The following SLC38A1 variants were observed in gnomAD, a reference collection of about 807,000 sequenced individuals.
SLC38A1 encodes solute carrier family 38 member 1, also known as sodium-coupled neutral amino acid symporter 1.
Under a neutral mutation model 60.3 loss-of-function variants are expected in SLC38A1, and 18 were observed. The ratio of observed to expected loss-of-function variants is 0.30; its 90% CI spans 0.21 to 0.44. The LOEUF (loss-of-function observed/expected upper bound fraction) is 0.44, where lower values mean the gene tolerates loss of function less well. Ranked by LOEUF, SLC38A1 falls within the 20% of genes least tolerant of loss-of-function variation. SLC38A1 has a pLI of 1.00. For missense variants in SLC38A1, 448 were observed against 587.2 expected (o/e 0.76, Z 2.45); for synonymous variants, 196 against 212.1 (o/e 0.92, Z 0.66).
intron 5 of SLC38A1, among the ~76,000 whole-genome samples, chr12:46,211,531 G>A (rs1040907470): frequency 5.3e-5 from 8 of 152,212 alleles, no homozygotes; most frequent in Admixed American, 1.3e-4. Context: ...CTGCAACCAC[G>A]CGGTTCTTGC....
intron 16 of SLC38A1, chr12:46,195,993 G>A: frequency 1.5e-6 from 1 of 680,252 alleles, no homozygotes; most frequent in Non-Finnish European, 2.4e-6. Flanking sequence ...GATGAACCAG[G>A]TACCTCAGTT....
chr12:46,256,613 G>GCACACACACACACACACACACA (rs566800141), intron 1 of SLC38A1, among the ~76,000 whole-genome samples: 2 of 107,454 alleles, frequency 1.9e-5, no homozygotes, highest in Admixed American at 1.0e-4. Context: ...GCGCGCGCGC[G>GCACACACACACACACACACACA]CACACACACA....
At chr12:46,227,229 T>C (rs932167034) in intron 5 of SLC38A1, among the ~76,000 whole-genome samples, 6 of 152,160 alleles carry the variant, frequency 3.9e-5, no homozygotes, top group Non-Finnish European at 7.4e-5. Context: ...AAGGTAAAAG[T>C]AGAATAAAAA....
chr12:46,252,691 A>C (rs1426521705), intron 1 of SLC38A1, among the ~76,000 whole-genome samples: 3 of 151,642 alleles, frequency 2.0e-5, no homozygotes, highest in Admixed American at 2.0e-4. Flanking sequence ...GATCACTCAT[A>C]TATATATATA....
intron 1 of SLC38A1, among the ~76,000 whole-genome samples, chr12:46,260,820 GC>G (rs1942173071): frequency 6.6e-6 from 1 of 152,028 alleles, no homozygotes; most frequent in Admixed American, 6.6e-5. Context: ...CAGTTTCACA[GC>G]CTGAACTTTG....
intron 16 of SLC38A1, among the ~76,000 whole-genome samples, chr12:46,194,046 T>C (rs1319773661): frequency 1.3e-5 from 2 of 152,238 alleles, no homozygotes; most frequent in Admixed American, 1.3e-4. Flanking sequence ...CTTTACCATT[T>C]GGCATGTTTT....
chr12:46,249,807 A>C (rs1941770155), intron 1 of SLC38A1, among the ~76,000 whole-genome samples: 1 of 152,246 alleles, frequency 6.6e-6, no homozygotes, highest in South Asian at 2.1e-4. Context: ...GAATCTCTGA[A>C]TAGACCAATA....
In SLC38A1 at chr12:46,253,688, T is replaced by C. The variant is rs567417835; in HGVS notation, c.-208-10374A>G. 2.0e-5 allele frequency among the ~76,000 whole-genome samples: 3 copies of C among 152,350 alleles called. No individual in the cohort carries two copies. In the South Asian group the frequency reaches 6.2e-4, roughly 32 times the overall value. ...TTAACCATCTGGAAATGCAGCTCAG[T>C]GGCTCTCAGCCTCATTTTACTCAGC... On this transcript the variant is annotated intron_variant, in intron 1 of 16. Transcript: ENST00000398637.
intron 6 of SLC38A1, among the ~76,000 whole-genome samples, 167 bp downstream of exon 6, chr12:46,208,887 G>A (rs951473756): frequency 6.6e-6 from 1 of 152,192 alleles, no homozygotes; most frequent in Non-Finnish European, 1.5e-5. Context: ...TGCTGCAACT[G>A]TTTCTCTAGA....
chr12:46,256,636 CAG>C (rs1555192390), intron 1 of SLC38A1, among the ~76,000 whole-genome samples: 74 of 123,190 alleles, frequency 6.0e-4, no homozygotes, highest in South Asian at 1.4e-3. Context: ...CACACACACA[CAG>C]AGAGAGAGAG....
intron 2 of SLC38A1, among the ~76,000 whole-genome samples, chr12:46,240,938 T>C (rs973790546): frequency 6.6e-6 from 1 of 152,192 alleles, no homozygotes; most frequent in Non-Finnish European, 1.5e-5. Flanking sequence ...AGAAAAAGAA[T>C]TTTGGGGGCA....
chr12:46,248,187 A>G (rs567238184), intron 1 of SLC38A1, among the ~76,000 whole-genome samples: 62 of 152,352 alleles, frequency 4.1e-4, no homozygotes, highest in Non-Finnish European at 6.6e-4. Context: ...ACATAACAAT[A>G]TTAACCTTAC....
intron 12 of SLC38A1, 55 bp from the exon 13 acceptor site, chr12:46,201,253 A>C: frequency 4.3e-6 from 6 of 1,392,516 alleles, no homozygotes; most frequent in Non-Finnish European, 6.1e-6. Flanking sequence ...TTTAAGCACC[A>C]GTGTTAACAT....
At chr12:46,198,584 G>C in intron 14 of SLC38A1, 41 bp downstream of exon 14, 1 of 1,384,562 alleles carries the variant, frequency 7.2e-7, no homozygotes, top group Non-Finnish European at 9.9e-7. Flanking sequence ...GGAAAGCCGA[G>C]ACCTCAGCTT....
intron 1 of SLC38A1, among the ~76,000 whole-genome samples, chr12:46,244,699 T>C (rs185708495): frequency 1.1e-4 from 17 of 152,326 alleles, no homozygotes; most frequent in Non-Finnish European, 2.2e-4. Context: ...CATTTAACCT[T>C]AGCAAGCCAG....
chr12:46,222,479 A>G (rs772233495), intron 5 of SLC38A1, among the ~76,000 whole-genome samples: 1 of 152,208 alleles, frequency 6.6e-6, no homozygotes, highest in Non-Finnish European at 1.5e-5. Context: ...ACTATGCTAC[A>G]CAGTATTAAT....
At chr12:46,192,990 C>T (rs923928941) in intron 16 of SLC38A1, among the ~76,000 whole-genome samples, 112 of 152,200 alleles carry the variant, frequency 7.4e-4, no homozygotes, top group African/African-American at 2.6e-3. Context: ...AATTTGTTTG[C>T]TTTCGCTTCT....
chr12:46,197,578 T>A (rs1398460035), intron 16 of SLC38A1, 142 bp downstream of exon 16: 4 of 636,686 alleles, frequency 6.3e-6, no homozygotes, highest in Non-Finnish European at 1.1e-5. Flanking sequence ...ATTTTAAATA[T>A]CTCCCAAGTA....
chr12:46,257,566 G>A (rs1003982622), intron 1 of SLC38A1, among the ~76,000 whole-genome samples: 5 of 151,974 alleles, frequency 3.3e-5, no homozygotes, highest in South Asian at 4.2e-4. Context: ...AGGCTTCTTC[G>A]GTATTGTACC....
Sources: gnomAD v4.1 joint callset for allele counts (sites outside exome capture counted in the v4.1 genomes callset) on GRCh38, gnomAD v4.1.1 for gene constraint, MANE v1.5 for transcripts, NCBI Gene and HGNC (gene_info 2026-07-23, HGNC 2026-07-21) for gene names.